Variants in KDM5B observed in about 807,000 individuals in gnomAD.
KDM5B encodes the protein lysine-specific demethylase 5B.
Under a neutral mutation model 193.4 loss-of-function variants are expected in KDM5B, and 144 were observed. The observed-to-expected ratio is 0.74, with a 90% CI of 0.65 to 0.86. The LOEUF (loss-of-function observed/expected upper bound fraction) is 0.86, where lower values mean the gene tolerates loss of function less well. Among genes scored for constraint, KDM5B ranks in the 40% least tolerant of loss-of-function variants. KDM5B has a pLI of 0.00. For missense variants in KDM5B, 1,833 were observed against 1,886.9 expected, an observed-to-expected ratio of 0.97 and a Z score of 0.53; for synonymous variants, 668 against 682.6, an observed-to-expected ratio of 0.98 and a Z score of 0.33.
In KDM5B at chr1:202,726,467, A is replaced by C. The variant is rs1654677244; in HGVS notation, c.*2569T>G. 6.6e-6 allele frequency: 1 copy of C among 152,182 alleles called. No homozygotes were observed. The allele number at this position is 152,182 out of a possible 1,614,324, so 9.4% of individuals were successfully genotyped here. A position where few individuals can be genotyped will look rare whatever the true frequency, so the allele number is the denominator to read the frequency against. On this transcript the variant is annotated 3_prime_UTR_variant, in exon 27 of 27. Transcript: ENST00000367265. ...TCTAATCTGGAAGGAAAAACAAAAA[A>C]CAAACAGTATTCATTTAGGTGAGGT...
intron 14 of KDM5B, among the ~76,000 whole-genome samples, chr1:202,747,224 T>C (rs1455838448): frequency 6.6e-6 from 1 of 152,206 alleles, no homozygotes; most frequent in African/African-American, 2.4e-5. Flanking sequence ...ATTTTGGTTT[T>C]ATTCTTGAAT....
chr1:202,742,275 C>T, intron 18 of KDM5B, 116 bp downstream of exon 18: 1 of 697,162 alleles, frequency 1.4e-6, no homozygotes. Context: ...TTAAAAGCAT[C>T]TGCAAATAAA....
intron 1 of KDM5B, among the ~76,000 whole-genome samples, chr1:202,778,697 G>C (rs1459487829): frequency 1.3e-5 from 2 of 152,014 alleles, no homozygotes; most frequent in African/African-American, 2.4e-5. Context: ...ACCTCAGCTC[G>C]CTGCAGCCTC....
chr1:202,741,091 A>G (rs755643590), intron 19 of KDM5B, among the ~76,000 whole-genome samples: 3 of 152,198 alleles, frequency 2.0e-5, no homozygotes, highest in Non-Finnish European at 4.4e-5. Flanking sequence ...CAAAGACACG[A>G]TATTAACAGG....
chr1:202,758,458 T>G lies in KDM5B; in HGVS notation c.1130A>C (p.Tyr377Ser). Residue 377 changes from tyrosine (Y) to serine (S), a missense_variant, in exon 9 of 27, where the codon TAT (tyrosine) becomes TCT (serine). By Grantham distance (144) the Tyr-to-Ser change is moderately radical. Around this residue, in one of 3 missense-constraint regions of KDM5B, gnomAD observed 99 missense variants for 162.4 expected, o/e 0.61. Transcript: ENST00000367265. ...AFGFEQAARDYTLRTFGEMAD... is the reference protein window; with the variant it reads ...AFGFEQAARDSTLRTFGEMAD... ...CATTTCCCCAAAAGTACGGAGGGTA[T>G]AGTCCCTGGCTGCTTGTTCAAAGCC... is the stretch of plus-strand genomic sequence containing the variant. 2 of 1,612,916 alleles carry G rather than the reference T, an allele frequency of 1.2e-6. No individual in the cohort carries two copies.
At chr1:202,749,603 C>T (rs899018656) in intron 13 of KDM5B, among the ~76,000 whole-genome samples, 3 of 79,304 alleles carry the variant, frequency 3.8e-5, no homozygotes, top group African/African-American at 8.7e-5. Flanking sequence ...AAATTCCTAG[C>T]CTAGGCCCTA....
chr1:202,801,173 T>G (rs1002106147), intron 1 of KDM5B, among the ~76,000 whole-genome samples: 9 of 152,222 alleles, frequency 5.9e-5, no homozygotes, highest in Non-Finnish European at 1.3e-4. Context: ...GCTTCACATT[T>G]TTTGTAATAA....
intron 1 of KDM5B, among the ~76,000 whole-genome samples, chr1:202,790,736 T>C (rs1215048805): frequency 6.6e-6 from 1 of 151,124 alleles, no homozygotes; most frequent in Admixed American, 6.6e-5. Context: ...AAAATAATAA[T>C]AAATATAAAA....
In KDM5B at chr1:202,762,754, A is replaced by G. The variant is rs1417140183; in HGVS notation, c.863T>C (p.Ile288Thr). Residue 288 changes from isoleucine (I) to threonine (T), a missense_variant, in exon 7 of 27, where the codon ATT (isoleucine) becomes ACT (threonine). Transcript: ENST00000367265. ...KQEPIERKDYIVENEKEKPKS... is the reference protein window; with the variant it reads ...KQEPIERKDYTVENEKEKPKS... ...GGGCTTTTCCTTCTCATTTTCTACA[A>G]TATAATCTTTCCTCTCAATAGGTTC... 12 of 1,612,392 alleles carry G rather than the reference A, an allele frequency of 7.4e-6. No homozygotes were observed. In the African/African-American group the frequency reaches 1.2e-4, roughly 16 times the overall value.
At position 202,775,850 on chromosome 1, in the gene KDM5B, T is replaced by A. The variant is rs189582419; in HGVS notation, c.283-1115A>T. Among the ~76,000 whole-genome samples, 418 of 85,584 alleles carry A rather than the reference T, an allele frequency of 4.9e-3. 7 individuals are homozygous for A. Among genetic ancestry groups the A allele is most frequent in the African/African-American group, 0.019 (408 of 21,916 alleles). 56.1% of individuals were successfully genotyped at this position (85,584 alleles called of 152,430 possible). On this transcript the variant is annotated intron_variant, in intron 2 of 26. Coordinates refer to ENST00000367265, the MANE Select transcript of KDM5B (RefSeq NM_006618.5). The stretch of plus-strand genomic sequence containing the variant: ...CAGCCTTGGTGACAGAACAAGACTC[T>A]TGTCTCAAAAAAAAAAAAAAAAAAA...
intron 1 of KDM5B, among the ~76,000 whole-genome samples, chr1:202,778,699 T>C (rs1287084133): frequency 6.6e-6 from 1 of 152,210 alleles, no homozygotes; most frequent in Non-Finnish European, 1.5e-5. Flanking sequence ...CTCAGCTCGC[T>C]GCAGCCTCTG....
rs957621141 is a variant in KDM5B, at chr1:202,808,296, C to T, written c.10G>A (p.Ala4Thr). MEA[A>T]TTLHPGPRPA... is the part of the protein sequence containing the mutation. Reference sequence around the variant, plus strand: ...CGCGGGCCTGGGTGCAGTGTGGTGGCCGCCTCCATCACCGCAGGCTGGGCA... The same window carrying T: ...CGCGGGCCTGGGTGCAGTGTGGTGGTCGCCTCCATCACCGCAGGCTGGGCA... Residue 4 changes from alanine (A) to threonine (T), a missense_variant, in exon 1 of 27, where the codon GCC becomes ACC. Transcript: ENST00000367265. 1 of 1,597,252 alleles carries T rather than the reference C, an allele frequency of 6.3e-7. No individual in the cohort carries two copies. Among genetic ancestry groups the T allele is most frequent in the African/African-American group, 1.3e-5 (1 of 74,444 alleles).
intron 4 of KDM5B, among the ~76,000 whole-genome samples, chr1:202,769,583 C>T (rs1415975972): frequency 7.0e-6 from 1 of 142,146 alleles, no homozygotes; most frequent in Non-Finnish European, 1.5e-5. Flanking sequence ...GCAGGAGAAT[C>T]GCTTGAACCA....
intron 8 of KDM5B, among the ~76,000 whole-genome samples, chr1:202,759,507 C>A (rs1004970508): frequency 2.0e-5 from 3 of 149,678 alleles, no homozygotes; most frequent in Admixed American, 1.3e-4. Flanking sequence ...CGCCACTGCA[C>A]TCCACTGTAC....
intron 4 of KDM5B, among the ~76,000 whole-genome samples, chr1:202,772,191 T>C (rs1199694151): frequency 1.3e-5 from 2 of 152,172 alleles, no homozygotes; most frequent in East Asian, 1.9e-4. Context: ...ACTGCTGTAG[T>C]CCTAAAATAA....
At chr1:202,783,159 T>A (rs1382725455) in intron 1 of KDM5B, among the ~76,000 whole-genome samples, 1 of 152,078 alleles carries the variant, frequency 6.6e-6, no homozygotes, top group Non-Finnish European at 1.5e-5. Context: ...AACCAGCTAC[T>A]CAGGAGGCTG....
At chr1:202,772,995 C>T (rs996021343) in intron 4 of KDM5B, 123 bp downstream of exon 4, 1 of 723,092 alleles carries the variant, frequency 1.4e-6, no homozygotes, top group Non-Finnish European at 2.2e-6. Flanking sequence ...CCGCGCCCCA[C>T]CAAAATAAGG....
intron 2 of KDM5B, among the ~76,000 whole-genome samples, chr1:202,774,949 T>C (rs1656877291): frequency 6.6e-6 from 1 of 152,094 alleles, no homozygotes. Flanking sequence ...GTTAAATAAT[T>C]ATACATGGCC....
intron 1 of KDM5B, among the ~76,000 whole-genome samples, chr1:202,805,696 C>T (rs1658262229): frequency 6.6e-6 from 1 of 152,186 alleles, no homozygotes; most frequent in Non-Finnish European, 1.5e-5. Context: ...TATGAAACCA[C>T]TTGTTCACAG....
Sources: allele counts gnomAD v4.1 joint callset (sites outside exome capture counted in the v4.1 genomes callset), GRCh38; gene constraint gnomAD v4.1.1; regional missense constraint gnomAD v4.1.1; transcripts MANE v1.5; gene names NCBI Gene and HGNC (gene_info 2026-07-23, HGNC 2026-07-21).